Variants in ERI1 observed in about 807,000 individuals in gnomAD.
ERI1 encodes the protein exoribonuclease 1.
A neutral mutation model predicts 39.7 loss-of-function variants in ERI1; 39 were observed. That is an observed-to-expected ratio of 0.98 (90% CI 0.76 to 1.28). ERI1 has a LOEUF of 1.28. ERI1 is among the 50% of genes most tolerant of loss of function. The pLI, the probability that ERI1 is intolerant of heterozygous loss-of-function variation, is 0.00. For missense variants in ERI1, 581 were observed against 416.9 expected (o/e 1.39, Z -3.43); for synonymous variants, 204 against 149.6 (o/e 1.36, Z -2.65).
downstream of ERI1, among the ~76,000 whole-genome samples, chr8:9,037,514 G>A (rs532352266): frequency 2.1e-5 from 3 of 145,750 alleles, no homozygotes; most frequent in Admixed American, 6.8e-5. Flanking sequence ...TTTTTTTTCT[G>A]TTTCCCCAAC....
intron 3 of ERI1, among the ~76,000 whole-genome samples, chr8:9,073,219 T>C (rs1405878487): frequency 6.6e-6 from 1 of 152,258 alleles, no homozygotes; most frequent in Non-Finnish European, 1.5e-5. Context: ...CAACATTATT[T>C]ATCTTTGCAG....
chr8:9,029,918 G>T lies in ERI1; in HGVS notation c.934G>T (p.Asp312Tyr). 6.2e-7 allele frequency: 1 copy of T among 1,614,132 alleles called. No homozygotes were observed. Among genetic ancestry groups the T allele is most frequent in the Non-Finnish European group, 8.5e-7 (1 of 1,180,030 alleles). Residue 312 changes from aspartate (D) to tyrosine (Y), a missense_variant, in exon 7 of 7, where the codon GAT (aspartate) becomes TAT (tyrosine). Transcript: ENST00000250263. ...CCGAATAGCAGTTCGAATGCTTCAG[G>T]ATGGGTGTGAACTCCGAATCAACGA... ...IARIAVRMLQ[D>Y]GCELRINEKM...
chr8:9,085,381 GTATTTT>G (rs1799492831), intron 3 of ERI1, among the ~76,000 whole-genome samples: 1 of 151,998 alleles, frequency 6.6e-6, no homozygotes, highest in Non-Finnish European at 1.5e-5. Flanking sequence ...GCTAATTTTT[GTATTTT>G]TAGTAGGGAC....
chr8:9,067,440 G>A (rs1236743924), intron 3 of ERI1, among the ~76,000 whole-genome samples: 1 of 149,222 alleles, frequency 6.7e-6, no homozygotes, highest in East Asian at 2.0e-4. Context: ...TAGTAGAAGG[G>A]AAAAAAGAAA....
chr8:9,088,435 C>G (rs1563098380), intron 3 of ERI1: 2 of 152,168 alleles, frequency 1.3e-5, no homozygotes, highest in Admixed American at 6.5e-5. Context: ...TGCTAAAGCT[C>G]TCGACATTCT....
At chr8:9,046,159 C>T (rs1380800391) in intron 3 of ERI1, among the ~76,000 whole-genome samples, 7 of 152,214 alleles carry the variant, frequency 4.6e-5, no homozygotes. Context: ...GCTGGGCCAT[C>T]AGCCATCGCC....
intron 3 of ERI1, among the ~76,000 whole-genome samples, chr8:9,083,015 A>G (rs749917807): frequency 3.3e-5 from 5 of 152,222 alleles, no homozygotes; most frequent in Non-Finnish European, 7.3e-5. Context: ...CATTTCCTCA[A>G]TATTGCATGG....
chr8:9,095,229 G>A (rs1045991531), intron 3 of ERI1, among the ~76,000 whole-genome samples: 3 of 152,178 alleles, frequency 2.0e-5, no homozygotes, highest in Non-Finnish European at 4.4e-5. Context: ...TACATGTGCA[G>A]GTTTGTTACA....
intron 3 of ERI1, among the ~76,000 whole-genome samples, chr8:9,083,315 C>A (rs749737793): frequency 2.0e-5 from 3 of 152,146 alleles, no homozygotes; most frequent in Admixed American, 6.5e-5. Context: ...TAACTTCCAT[C>A]CAAAGATCTC....
intron 3 of ERI1, among the ~76,000 whole-genome samples, chr8:9,059,936 A>G (rs1257588818): frequency 6.6e-6 from 1 of 152,200 alleles, no homozygotes; most frequent in Non-Finnish European, 1.5e-5. Flanking sequence ...ACTGGGGCTT[A>G]ATAAAAAGGA....
At chr8:9,022,596 C>T (rs1297197221) in intron 6 of ERI1, among the ~76,000 whole-genome samples, 10 of 152,066 alleles carry the variant, frequency 6.6e-5, no homozygotes, top group African/African-American at 1.7e-4. Context: ...GACGGGGTTT[C>T]GCCATGTTGG....
At chr8:9,093,807 C>T (rs1399145573) in intron 3 of ERI1, among the ~76,000 whole-genome samples, 1 of 152,120 alleles carries the variant, frequency 6.6e-6, no homozygotes, top group Admixed American at 6.5e-5. Flanking sequence ...GAACTCCTGA[C>T]CTCAGACGAT....
In ERI1 at chr8:9,056,273, A is replaced by C. The variant is rs150009209; in HGVS notation, n.299+35809A>C. Among the ~76,000 whole-genome samples the C allele has an allele frequency of 1.9e-3, 285 of 152,366 alleles. 1 individual carries two copies. The highest frequency in any genetic ancestry group is 6.6e-3 in the African/African-American group (276 of 41,588). The stretch of plus-strand genomic sequence containing the variant: ...GGCACTCCCTGAAGTCAGAGAATGC[A>C]GGAGCACAGCTCTGTCCTGCTCCTA... On this transcript the variant is annotated intron_variant and non_coding_transcript_variant, in intron 3 of 3. Coordinates refer to the ERI1 transcript ENST00000518663.
intron 3 of ERI1, among the ~76,000 whole-genome samples, chr8:9,041,649 C>G (rs1244189926): frequency 6.6e-6 from 1 of 152,142 alleles, no homozygotes; most frequent in Non-Finnish European, 1.5e-5. Flanking sequence ...GAAATAGAAA[C>G]ACAGTGTACC....
At chr8:9,011,892 C>G (rs547026206) in intron 3 of ERI1, 140 bp downstream of exon 3, 2 of 559,486 alleles carry the variant, frequency 3.6e-6, no homozygotes, top group East Asian at 5.8e-5. Flanking sequence ...AACTTTATAT[C>G]AGCTTGATTA....
intron 6 of ERI1, among the ~76,000 whole-genome samples, chr8:9,023,421 A>G (rs145162065): frequency 8.8e-4 from 134 of 152,284 alleles, no homozygotes; most frequent in African/African-American, 3.0e-3. Flanking sequence ...AATAAACCTT[A>G]AAATAATTTT....
chr8:9,076,131 G>C (rs1171245162), intron 3 of ERI1, among the ~76,000 whole-genome samples: 1 of 152,118 alleles, frequency 6.6e-6, no homozygotes, highest in Non-Finnish European at 1.5e-5. Flanking sequence ...GTTTTGTAGA[G>C]ACGAGGGCTC....
Position 9,020,366 on chromosome 8 carries a change from A to C in ERI1, c.709A>C (p.Lys237Gln). Reference sequence around the variant, plus strand: ...AATTTATAGTTCTTGGGATATGAGTAAGTTCTTGAACATTCAGTGTCAACT... The same window carrying C: ...AATTTATAGTTCTTGGGATATGAGTCAGTTCTTGAACATTCAGTGTCAACT... ...LLTDGSWDMS[K>Q]FLNIQCQLSR... The change falls in exon 6 of 7, where the codon AAG (lysine) becomes CAG (glutamine). Residue 237 changes from lysine to glutamine, a missense_variant. By Grantham distance (53) the Lys-to-Gln change is moderately conservative (BLOSUM62 1). Coordinates refer to ENST00000250263, the MANE Select transcript of ERI1 (RefSeq NM_153332.4). 6.3e-7 allele frequency: 1 copy of C among 1,585,348 alleles called. No individual in the cohort carries two copies. The highest frequency in any genetic ancestry group is 8.6e-7 in the Non-Finnish European group (1 of 1,168,970).
At chr8:9,098,669 A>G (rs1394157661) in intron 3 of ERI1, among the ~76,000 whole-genome samples, 3 of 152,186 alleles carry the variant, frequency 2.0e-5, no homozygotes, top group Admixed American at 2.0e-4. Flanking sequence ...AGTCACCACA[A>G]AAGACCTTAT....
Sources: gnomAD v4.1 joint callset for allele counts (sites outside exome capture counted in the v4.1 genomes callset) on GRCh38, gnomAD v4.1.1 for gene constraint, MANE v1.5 for transcripts, NCBI Gene and HGNC (gene_info 2026-07-23, HGNC 2026-07-21) for gene names.